ATXN7L1: variants seen among roughly 807,000 people sequenced by gnomAD.
ATXN7L1 encodes the protein ataxin 7 like 1, also known as ataxin-7-like protein 1.
In ATXN7L1, 15 loss-of-function variants were observed where a neutral mutation model predicts 70.8. The observed-to-expected ratio is 0.21, with a 90% CI of 0.14 to 0.33. ATXN7L1 has a LOEUF of 0.33. Among genes scored for constraint, ATXN7L1 ranks in the 10% least tolerant of loss-of-function variants. The pLI, the probability that ATXN7L1 is intolerant of heterozygous loss-of-function variation, is 1.00. For synonymous variants in ATXN7L1, 440 were observed against 445.1 expected (o/e 0.99, Z 0.14); for missense variants, 975 against 1,097.1 (o/e 0.89, Z 1.57).
chr7:105,703,321 G>C (rs1273590613), intron 3 of ATXN7L1, among the ~76,000 whole-genome samples: 2 of 130,858 alleles, frequency 1.5e-5, no homozygotes, highest in Non-Finnish European at 3.2e-5. Flanking sequence ...AAAAAAAAAA[G>C]CACTTAAGTA....
intron 3 of ATXN7L1, among the ~76,000 whole-genome samples, chr7:105,739,590 A>T (rs1307462750): frequency 6.6e-6 from 1 of 152,242 alleles, no homozygotes; most frequent in Non-Finnish European, 1.5e-5. Flanking sequence ...AGGGATGGAG[A>T]ATCCCACTTC....
chr7:105,796,230 G>A (rs920265145), intron 2 of ATXN7L1, among the ~76,000 whole-genome samples: 3 of 152,164 alleles, frequency 2.0e-5, no homozygotes, highest in East Asian at 1.9e-4. Context: ...GGGCGTGGTC[G>A]TGCGCACCTG....
intron 2 of ATXN7L1, among the ~76,000 whole-genome samples, chr7:105,861,182 G>A (rs1816581424): frequency 6.6e-6 from 1 of 152,142 alleles, no homozygotes; most frequent in Admixed American, 6.5e-5. Flanking sequence ...AAGTGCTGCT[G>A]CAAAGGGCAG....
At chr7:105,624,045 A>C in intron 8 of ATXN7L1, 30 bp downstream of exon 8, 1 of 1,377,806 alleles carries the variant, frequency 7.3e-7, no homozygotes, top group South Asian at 1.8e-5. Flanking sequence ...CAGGCGAAGA[A>C]CGCATGGCAA....
At chr7:105,791,512 C>A (rs1455667116) in intron 2 of ATXN7L1, among the ~76,000 whole-genome samples, 2 of 152,146 alleles carry the variant, frequency 1.3e-5, no homozygotes, top group Non-Finnish European at 2.9e-5. Context: ...CTTCTTGGGC[C>A]TTAACTGTTG....
intron 2 of ATXN7L1, among the ~76,000 whole-genome samples, chr7:105,857,177 C>T (rs1275843383): frequency 2.6e-5 from 4 of 152,220 alleles, no homozygotes; most frequent in Admixed American, 2.6e-4. Flanking sequence ...TTCATTCATT[C>T]TTTCATTCAT....
chr7:105,709,347 ATTTT>A (rs377542960), intron 3 of ATXN7L1, among the ~76,000 whole-genome samples: 3 of 151,754 alleles, frequency 2.0e-5, no homozygotes, highest in South Asian at 4.2e-4. Context: ...AAAAAAAAGA[ATTTT>A]TTTTCTATAT....
intron 2 of ATXN7L1, among the ~76,000 whole-genome samples, chr7:105,801,528 T>G (rs542011077): frequency 8.5e-5 from 13 of 152,210 alleles, no homozygotes; most frequent in Non-Finnish European, 1.6e-4. Flanking sequence ...CGCTGATATA[T>G]TCCAGTATTA....
chr7:105,849,319 G>A (rs909953825), intron 2 of ATXN7L1, among the ~76,000 whole-genome samples: 1 of 152,246 alleles, frequency 6.6e-6, no homozygotes, highest in African/African-American at 2.4e-5. Context: ...TGATATGCAG[G>A]TGGGGAGGGC....
intron 3 of ATXN7L1, among the ~76,000 whole-genome samples, chr7:105,733,270 A>T (rs1267775684): frequency 6.6e-6 from 1 of 152,228 alleles, no homozygotes; most frequent in African/African-American, 2.4e-5. Context: ...GGTGAATCAT[A>T]TGTGCTCATA....
At chr7:105,805,095 C>T (rs557943531) in intron 2 of ATXN7L1, among the ~76,000 whole-genome samples, 39 of 152,280 alleles carry the variant, frequency 2.6e-4, no homozygotes, top group Admixed American at 1.2e-3. Flanking sequence ...AAACAACGAA[C>T]GAGCCGGACA....
At chr7:105,762,814 C>T (rs1326425739) in intron 3 of ATXN7L1, among the ~76,000 whole-genome samples, 1 of 152,212 alleles carries the variant, frequency 6.6e-6, no homozygotes, top group African/African-American at 2.4e-5. Context: ...CTTTCTGAGA[C>T]TAGGCCATAA....
intron 2 of ATXN7L1, among the ~76,000 whole-genome samples, chr7:105,803,796 T>C (rs896168373): frequency 6.6e-6 from 1 of 152,158 alleles, no homozygotes; most frequent in Non-Finnish European, 1.5e-5. Context: ...ATAGGAACAG[T>C]CTATGATTTT....
intron 3 of ATXN7L1, among the ~76,000 whole-genome samples, chr7:105,772,177 G>T (rs1026100110): frequency 6.8e-6 from 1 of 147,810 alleles, no homozygotes; most frequent in Non-Finnish European, 1.5e-5. Context: ...GGGTTCAAGC[G>T]ATTCTCCTGC....
chr7:105,741,609 A>G (rs1050500187), intron 3 of ATXN7L1, among the ~76,000 whole-genome samples: 1 of 152,196 alleles, frequency 6.6e-6, no homozygotes, highest in African/African-American at 2.4e-5. Flanking sequence ...AGTGTCAGCA[A>G]TTCAGACATG....
At chr7:105,688,153 C>T (rs1028754342) in intron 3 of ATXN7L1, among the ~76,000 whole-genome samples, 1 of 152,132 alleles carries the variant, frequency 6.6e-6, no homozygotes, top group Non-Finnish European at 1.5e-5. Context: ...CAACCAGATA[C>T]ATTGACTTGC....
chr7:105,735,483 T>C (rs1563051229), intron 3 of ATXN7L1, among the ~76,000 whole-genome samples: 1 of 152,212 alleles, frequency 6.6e-6, no homozygotes, highest in Non-Finnish European at 1.5e-5. Flanking sequence ...ACCTTTGCGA[T>C]GAGATCTTGC....
chr7:105,875,955 G>A, intron 1 of ATXN7L1, 75 bp from the exon 2 acceptor site: 2 of 1,285,778 alleles, frequency 1.6e-6, no homozygotes, highest in Non-Finnish European at 2.2e-6. Context: ...AAGGGGGGAG[G>A]GAGAGTGTTT....
intron 3 of ATXN7L1, among the ~76,000 whole-genome samples, chr7:105,704,545 G>A (rs558053387): frequency 1.1e-4 from 14 of 129,838 alleles, no homozygotes; most frequent in African/African-American, 4.1e-4. Flanking sequence ...TCACCCCCAT[G>A]TTTGGATGAG....
Sources: allele counts gnomAD v4.1 joint callset (sites outside exome capture counted in the v4.1 genomes callset), GRCh38; gene constraint gnomAD v4.1.1; transcripts MANE v1.5; gene names NCBI Gene and HGNC (gene_info 2026-07-23, HGNC 2026-07-21).